NR5A2: variants seen among roughly 807,000 people sequenced by gnomAD.
The protein encoded by NR5A2 is nuclear receptor subfamily 5 group A member 2.
In NR5A2, 26 loss-of-function variants were observed where a neutral mutation model predicts 62.7. The observed-to-expected ratio is 0.41, with a 90% CI of 0.30 to 0.58. The LOEUF (loss-of-function observed/expected upper bound fraction) is 0.58. Among genes scored for constraint, NR5A2 ranks in the 20% least tolerant of loss-of-function variants. The pLI is 0.22. For synonymous variants in NR5A2, 246 were observed against 241.7 expected (o/e 1.02, Z -0.16); for missense variants, 541 against 669.1 (o/e 0.81, Z 2.11).
At chr1:200,139,174 C>T (rs1030928974) in intron 7 of NR5A2, among the ~76,000 whole-genome samples, 30 of 152,260 alleles carry the variant, frequency 2.0e-4, no homozygotes, top group African/African-American at 4.3e-4. Context: ...TTTTATAATG[C>T]AAACCTTTTC....
At position 200,164,867 on chromosome 1, in the gene NR5A2, GTTTTTTT is replaced by G. The variant is rs56818276; in HGVS notation, c.1379-9075_1379-9069del. On this transcript the variant is annotated intron_variant, in intron 7 of 7. Transcript: ENST00000367362. The stretch of plus-strand genomic sequence containing the variant: ...CTGGCCAACTTTATTTTTTAGAGCA[GTTTTTTT>G]TTTTTTTTTTTTTTTTTTTTAGACG... Among the ~76,000 whole-genome samples the G allele has an allele frequency of 2.2e-4, 14 of 63,930 alleles. No homozygotes were observed. In the East Asian group the frequency reaches 5.9e-3, roughly 27 times the overall value. The allele number at this position is 63,930 out of a possible 152,430, so 41.9% of individuals were successfully genotyped here. A position where few individuals can be genotyped will look rare whatever the true frequency, so the allele number is the denominator to read the frequency against.
intron 6 of NR5A2, among the ~76,000 whole-genome samples, chr1:200,116,592 T>C (rs995247983): frequency 1.8e-4 from 28 of 152,180 alleles, no homozygotes; most frequent in Middle Eastern, 3.2e-3. Flanking sequence ...ACATTGTATA[T>C]TGAAATGAGG....
chr1:200,039,634 T>G lies in NR5A2; in HGVS notation c.65-24T>G, dbSNP rs1661960914. 5 of 1,608,192 alleles carry G rather than the reference T, an allele frequency of 3.1e-6. No individual in the cohort carries two copies. In the Admixed American group the frequency reaches 8.4e-5, roughly 27 times the overall value. On this transcript the variant is annotated intron_variant, in intron 1 of 7. Coordinates refer to ENST00000367362, the MANE Select transcript of NR5A2 (RefSeq NM_205860.3). This position sits in a 1 kb window ranked among gnomAD's most constrained non-coding sequence, Gnocchi z 5.1. Reference sequence around the variant, plus strand: ...GCCCCTTCCTTCTTTTCGCCGGAGTTGAATCTGTGCTGCCCGTGTCCAGGT... The same window carrying G: ...GCCCCTTCCTTCTTTTCGCCGGAGTGGAATCTGTGCTGCCCGTGTCCAGGT...
intron 5 of NR5A2, among the ~76,000 whole-genome samples, chr1:200,062,969 T>A (rs952640204): frequency 6.6e-6 from 1 of 151,874 alleles, no homozygotes; most frequent in African/African-American, 2.4e-5. Flanking sequence ...TATTAACACT[T>A]AGTTCAAGTA....
At chr1:200,029,132 A>T (rs1233081393) in intron 1 of NR5A2, 1 of 439,414 alleles carries the variant, frequency 2.3e-6, no homozygotes, top group Non-Finnish European at 4.6e-6. Flanking sequence ...GCAGGCAAGG[A>T]GTCCTTCCCG....
At chr1:200,115,981 A>C (rs1666198886) in intron 6 of NR5A2, among the ~76,000 whole-genome samples, 1 of 151,974 alleles carries the variant, frequency 6.6e-6, no homozygotes, top group Admixed American at 6.6e-5. Context: ...GCCAGAAGAA[A>C]TACAATTCAC....
intron 5 of NR5A2, chr1:200,058,114 A>ACT (rs1246801518): frequency 2.0e-5 from 3 of 152,400 alleles, no homozygotes; most frequent in Admixed American, 2.0e-4. Flanking sequence ...TACTTTCAGT[A>ACT]AAGTACTTTA....
intron 5 of NR5A2, among the ~76,000 whole-genome samples, chr1:200,056,736 A>G (rs917167685): frequency 6.6e-6 from 1 of 152,160 alleles, no homozygotes; most frequent in African/African-American, 2.4e-5. Flanking sequence ...ATAACTTCAC[A>G]CTGGGTCTGC....
intron 5 of NR5A2, chr1:200,058,267 T>TA (rs2102188775): frequency 6.6e-6 from 1 of 152,320 alleles, no homozygotes; most frequent in Non-Finnish European, 1.5e-5. Context: ...TCCTATGAAT[T>TA]GACTATCACC....
intron 4 of NR5A2, 50 bp downstream of exon 4, chr1:200,045,634 A>G (rs2817008): frequency 0.34 from 503,221 of 1,492,664 alleles, 93,677 homozygotes; most frequent in African/African-American, 0.75. Flanking sequence ...CAAGGACATG[A>G]ACTGTAAAAC....
At chr1:200,083,666 G>A (rs1023732595) in intron 5 of NR5A2, among the ~76,000 whole-genome samples, 20 of 152,158 alleles carry the variant, frequency 1.3e-4, no homozygotes, top group African/African-American at 4.6e-4. Flanking sequence ...CAGCAATATT[G>A]TATAGCAATG....
intron 5 of NR5A2, among the ~76,000 whole-genome samples, chr1:200,110,555 T>A (rs2102291748): frequency 6.6e-6 from 1 of 152,142 alleles, no homozygotes; most frequent in East Asian, 1.9e-4. Flanking sequence ...AAAACTGAAG[T>A]TTAGAGAGTT....
intron 7 of NR5A2, among the ~76,000 whole-genome samples, chr1:200,127,689 A>ATATATATATATATAT (rs1666768016): frequency 1.6e-5 from 1 of 61,400 alleles, no homozygotes; most frequent in Non-Finnish European, 3.4e-5. Context: ...AAAAAAAAAA[A>ATATATATATATATAT]AAAAAAAAAA....
At chr1:200,052,015 A>C (rs1466348281) in intron 5 of NR5A2, among the ~76,000 whole-genome samples, 5 of 152,188 alleles carry the variant, frequency 3.3e-5, no homozygotes, top group African/African-American at 1.2e-4. Flanking sequence ...ACGCACTCTG[A>C]TATTTTCTAT....
At chr1:200,164,081 T>C (rs1229302892) in intron 7 of NR5A2, among the ~76,000 whole-genome samples, 7 of 152,034 alleles carry the variant, frequency 4.6e-5, no homozygotes, top group Non-Finnish European at 1.0e-4. Flanking sequence ...TCCCTACACA[T>C]ACTCTCTCTC....
chr1:200,053,609 A>G (rs1174804864), intron 5 of NR5A2, among the ~76,000 whole-genome samples: 1 of 151,464 alleles, frequency 6.6e-6, no homozygotes, highest in Non-Finnish European at 1.5e-5. Context: ...ACACACACAA[A>G]GAGGCAGTGT....
chr1:200,130,631 C>G (rs1666932954), intron 7 of NR5A2, among the ~76,000 whole-genome samples: 1 of 152,202 alleles, frequency 6.6e-6, no homozygotes, highest in South Asian at 2.1e-4. Context: ...GTCTAAACAT[C>G]ATAAAATTCT....
At chr1:200,095,019 T>C (rs1434183562) in intron 5 of NR5A2, among the ~76,000 whole-genome samples, 1 of 152,050 alleles carries the variant, frequency 6.6e-6, no homozygotes. Flanking sequence ...ATTCCAAATC[T>C]TAGGATATAA....
Position 200,120,954 on chromosome 1 carries a change from A to G in NR5A2, c.1377A>G (p.Leu459=), listed in dbSNP as rs1666454745. Residue 459 remains leucine (L), a splice_region_variant and synonymous_variant, in exon 7 of 8, where the codon TTA becomes TTG. Coordinates refer to ENST00000367362, the MANE Select transcript of NR5A2 (RefSeq NM_205860.3). The part of the protein sequence containing the change: ...VCLKFLVLFS[L]DVKNLENFQL... ...TGAAATTCTTGGTGCTCTTTAGTTT[A>G]GGTAAGAAATCCTTTTCTCATGCTG... The G allele has an allele frequency of 6.2e-7, 1 of 1,613,858 alleles. No individual in the cohort carries two copies. Among genetic ancestry groups the G allele is most frequent in the Non-Finnish European group, 8.5e-7 (1 of 1,179,880 alleles).
Sources: allele counts gnomAD v4.1 joint callset (sites outside exome capture counted in the v4.1 genomes callset), GRCh38; gene constraint gnomAD v4.1.1; non-coding constraint Gnocchi (gnomAD v3.1); transcripts MANE v1.5; gene names NCBI Gene and HGNC (gene_info 2026-07-23, HGNC 2026-07-21).